The following APOBEC3G variants were observed in gnomAD, a reference collection of about 807,000 sequenced individuals.
APOBEC3G encodes DNA dC->dU-editing enzyme APOBEC-3G.
A neutral mutation model predicts 50.0 loss-of-function variants in APOBEC3G; 44 were observed. The observed-to-expected ratio is 0.88, with a 90% CI of 0.69 to 1.13. The LOEUF is 1.13. APOBEC3G is among the 50% of genes most tolerant of loss of function. APOBEC3G has a pLI of 0.00. For synonymous variants in APOBEC3G, 156 were observed against 175.3 expected (o/e 0.89, Z 0.87); for missense variants, 469 against 492.0 (o/e 0.95, Z 0.44).
chr22:39,087,192 G>A (rs6001422), intron 7 of APOBEC3G, 66 bp downstream of exon 7: 78 of 1,606,978 alleles, frequency 4.9e-5, no homozygotes, highest in Admixed American at 2.2e-4. Context: ...CCCCTGCGCC[G>A]TGCCTTCCCC....
rs112802713 is a variant in APOBEC3G, at chr22:39,087,427, G to T, written c.*6G>T. On this transcript the variant is annotated 3_prime_UTR_variant, in exon 8 of 8. Coordinates refer to ENST00000407997, the MANE Select transcript of APOBEC3G (RefSeq NM_021822.4). ...TCCAGAATCAGGAAAACTGAAGGAT[G>T]GGCCTCAGTCTCTAAGGAAGGCAGA... is the stretch of plus-strand genomic sequence containing the variant. 6.2e-7 allele frequency: 1 copy of T among 1,613,944 alleles called. No individual in the cohort carries two copies. The highest frequency in any genetic ancestry group is 8.5e-7 in the Non-Finnish European group (1 of 1,179,864).
At chr22:39,080,830 A>G (rs1847298652) in intron 2 of APOBEC3G, 103 bp from the exon 3 acceptor site, 1 of 1,074,026 alleles carries the variant, frequency 9.3e-7, no homozygotes, top group Non-Finnish European at 1.3e-6. Flanking sequence ...TTCAATGGCA[A>G]GATCTCCTGG....
chr22:39,081,330 CA>C (rs1456783133), intron 3 of APOBEC3G, 103 bp downstream of exon 3: 1 of 1,544,138 alleles, frequency 6.5e-7, no homozygotes, highest in Non-Finnish European at 8.8e-7. Context: ...CTGCAAAGGC[CA>C]AGTGTCCCAG....
rs1419631456 is a variant in APOBEC3G at position 39,081,164 on chromosome 22, C to G, written c.403C>G (p.Leu135Val). The change falls in exon 3 of 8, where the codon CTT (leucine) becomes GTT (valine). Residue 135 changes from leucine (L) to valine (V), a missense_variant. Coordinates refer to ENST00000407997, the MANE Select transcript of APOBEC3G (RefSeq NM_021822.4). ...CTGGGACCCAGATTACCAGGAGGCG[C>G]TTCGCAGCCTGTGTCAGAAAAGAGA... ...YFWDPDYQEA[L>V]RSLCQKRDGP... is the part of the protein sequence containing the mutation. The G allele has an allele frequency of 1.2e-6, 2 of 1,614,232 alleles. No individual in the cohort carries two copies. Among genetic ancestry groups the G allele is most frequent in the East Asian group, 2.2e-5 (1 of 44,890 alleles).
Position 39,078,876 on chromosome 22 carries a change from C to A in APOBEC3G, c.18-56C>A, listed in dbSNP as rs562030501. On this transcript the variant is annotated intron_variant, in intron 1 of 7. Coordinates refer to ENST00000407997, the MANE Select transcript of APOBEC3G (RefSeq NM_021822.4). ...GGGCTGTGTTTAGTGGACATCAGCCCGGAGGGCCCCCAGGAGTGCTCTCTA... is the reference window on the plus strand; with the variant it reads ...GGGCTGTGTTTAGTGGACATCAGCCAGGAGGGCCCCCAGGAGTGCTCTCTA... 38 of 1,602,694 alleles carry A rather than the reference C, an allele frequency of 2.4e-5. No individual in the cohort carries two copies. In the East Asian group the frequency reaches 7.8e-4, roughly 33 times the overall value.
intron 1 of APOBEC3G, among the ~76,000 whole-genome samples, chr22:39,078,046 G>A (rs1928239091): frequency 6.6e-6 from 1 of 152,146 alleles, no homozygotes; most frequent in Non-Finnish European, 1.5e-5. Context: ...GATCGCCTGC[G>A]GTCAGGAGTT....
At chr22:39,079,550 T>G (rs2146292953) in intron 2 of APOBEC3G, 1 of 154,638 alleles carries the variant, frequency 6.5e-6, no homozygotes, top group Non-Finnish European at 1.4e-5. Context: ...CTCGAACTTC[T>G]GACCTCAGGT....
Position 39,081,551 on chromosome 22 carries a change from A to G in APOBEC3G, c.547A>G (p.Ile183Val), listed in dbSNP as rs1458228316. The change falls in exon 4 of 8, where the codon ATA becomes GTA. Residue 183 changes from isoleucine to valine, a missense_variant. Coordinates refer to ENST00000407997, the MANE Select transcript of APOBEC3G (RefSeq NM_021822.4). ...EPWNNLPKYY[I>V]LLHIMLGEIL... ...TTGGAATAATCTGCCTAAATATTAT[A>G]TATTACTGCACATCATGCTGGGGGA... The G allele has an allele frequency of 1.9e-6, 3 of 1,613,998 alleles. No homozygotes were observed. The highest frequency in any genetic ancestry group is 1.3e-5 in the African/African-American group (1 of 74,920).
In APOBEC3G at chr22:39,087,458, G is replaced by A. The variant is rs963180062; in HGVS notation, c.*37G>A. ...CAGTCTCTAAGGAAGGCAGAGACCT[G>A]GGTTGAGCCTCAGAATAAAAGATCT... On this transcript the variant is annotated 3_prime_UTR_variant, in exon 8 of 8. Transcript: ENST00000407997. 2.0e-5 allele frequency: 33 copies of A among 1,613,780 alleles called. No homozygotes were observed. Among genetic ancestry groups the A allele is most frequent in the Non-Finnish European group, 2.8e-5 (33 of 1,179,838 alleles).
At position 39,086,401 on chromosome 22, in the gene APOBEC3G, C is replaced by T. The variant is rs1240119022; in HGVS notation, c.858C>T (p.Ser286=). The change falls in exon 6 of 8, where the codon AGC becomes AGT. Residue 286 remains serine (S), a synonymous_variant. Coordinates refer to ENST00000407997, the MANE Select transcript of APOBEC3G (RefSeq NM_021822.4). ...DYRVTCFTSW[S]PCFSCAQEMA... is the part of the protein sequence containing the mutation. Reference sequence around the variant, plus strand: ...GGGTTACCTGCTTCACCTCCTGGAGCCCCTGCTTCAGCTGTGCCCAGGAAA... The same window carrying T: ...GGGTTACCTGCTTCACCTCCTGGAGTCCCTGCTTCAGCTGTGCCCAGGAAA... 6.2e-7 allele frequency: 1 copy of T among 1,614,178 alleles called. No individual in the cohort carries two copies. The highest frequency in any genetic ancestry group is 1.7e-5 in the Admixed American group (1 of 60,012).
chr22:39,084,241 G>A (rs1481027529), intron 5 of APOBEC3G, among the ~76,000 whole-genome samples: 2 of 152,144 alleles, frequency 1.3e-5, no homozygotes, highest in African/African-American at 2.4e-5. Context: ...AAGAAAAAGC[G>A]CTTCCGGCCG....
At chr22:39,087,352 T>C (rs909990702) in intron 7 of APOBEC3G, 55 bp from the exon 8 acceptor site, 1 of 1,613,246 alleles carries the variant, frequency 6.2e-7, no homozygotes, top group Non-Finnish European at 8.5e-7. Flanking sequence ...CTCCACCATA[T>C]GCCTACTTTC....
intron 5 of APOBEC3G, 146 bp from the exon 6 acceptor site, chr22:39,086,133 C>G: frequency 1.1e-6 from 1 of 947,508 alleles, no homozygotes; most frequent in Non-Finnish European, 1.5e-6. Flanking sequence ...GGAGAAACCC[C>G]TTTTCTACTA....
intron 5 of APOBEC3G, among the ~76,000 whole-genome samples, chr22:39,084,265 A>T (rs1928602730): frequency 6.6e-6 from 1 of 152,334 alleles, no homozygotes; most frequent in South Asian, 2.1e-4. Context: ...ACGGTGGCTC[A>T]TGCCTGTAAT....
intron 1 of APOBEC3G, 95 bp from the exon 2 acceptor site, chr22:39,078,837 T>C: frequency 6.6e-7 from 1 of 1,526,126 alleles, no homozygotes; most frequent in Admixed American, 2.1e-5. Flanking sequence ...GGGGGAGGCC[T>C]AGAGCCGTCC....
At chr22:39,080,066 T>A in intron 2 of APOBEC3G, 1 of 160,104 alleles carries the variant, frequency 6.2e-6, no homozygotes. Flanking sequence ...AAGAAATGAG[T>A]GGTGTATTTT....
At chr22:39,079,171 C>T (rs1308105568) in intron 2 of APOBEC3G, 86 bp downstream of exon 2, 9 of 1,473,638 alleles carry the variant, frequency 6.1e-6, no homozygotes, top group South Asian at 2.9e-5. Flanking sequence ...AAGTGCCCGG[C>T]GGCGGGCTAT....
intron 2 of APOBEC3G, chr22:39,080,732 T>TA (rs1928399141): frequency 1.7e-6 from 1 of 590,626 alleles, no homozygotes; most frequent in Non-Finnish European, 3.0e-6. Context: ...TGCCACCTCT[T>TA]AAGGCCATTA....
chr22:39,083,688 C>T, intron 4 of APOBEC3G, 43 bp from the exon 5 acceptor site: 1 of 1,604,080 alleles, frequency 6.2e-7, no homozygotes, highest in East Asian at 2.2e-5. Context: ...TGGGACAGAC[C>T]AGGAGGGCTC....
Sources: gnomAD v4.1 joint callset for allele counts (sites outside exome capture counted in the v4.1 genomes callset) on GRCh38, gnomAD v4.1.1 for gene constraint, MANE v1.5 for transcripts, NCBI Gene and HGNC (gene_info 2026-07-23, HGNC 2026-07-21) for gene names.